The following SLAMF6 variants were observed in gnomAD, a reference collection of about 807,000 sequenced individuals.
SLAMF6 encodes NK-T-B-antigen.
A neutral mutation model predicts 38.3 loss-of-function variants in SLAMF6; 21 were observed. The ratio of observed to expected loss-of-function variants is 0.55; its 90% CI spans 0.39 to 0.79. The LOEUF (loss-of-function observed/expected upper bound fraction) is 0.79. SLAMF6 is among the 30% of genes least tolerant of loss of function. The probability of loss-of-function intolerance (pLI) is 0.00; values close to 1 mark genes in which losing one functional copy is unlikely to be tolerated. For synonymous variants in SLAMF6, 152 were observed against 146.3 expected, an observed-to-expected ratio of 1.04 and a Z score of -0.28; for missense variants, 341 against 385.3, an observed-to-expected ratio of 0.89 and a Z score of 0.96.
chr1:160,499,599 G>T (rs1183448299), intron 1 of SLAMF6, among the ~76,000 whole-genome samples: 2 of 152,166 alleles, frequency 1.3e-5, no homozygotes, highest in East Asian at 1.9e-4. Flanking sequence ...TGTGAAGAAT[G>T]ACATTGGTAG....
intron 1 of SLAMF6, among the ~76,000 whole-genome samples, chr1:160,520,600 A>G (rs1654942718): frequency 6.6e-6 from 1 of 152,216 alleles, no homozygotes; most frequent in Admixed American, 6.5e-5. Context: ...TATTTTCTCT[A>G]GGAAGTCATG....
In SLAMF6 at chr1:160,486,672, G is replaced by A. The variant is rs375276488; in HGVS notation, c.*35C>T. On this transcript the variant is annotated 3_prime_UTR_variant, in exon 8 of 8. Coordinates refer to ENST00000368057, the MANE Select transcript of SLAMF6 (RefSeq NM_001184714.2). The stretch of plus-strand genomic sequence containing the variant: ...TCTGTCTCATGGGATCAGAAGACGT[G>A]TCATTCCCGAATTCCTCTGAGGCCT... 1.3e-6 allele frequency: 2 copies of A among 1,592,930 alleles called. No individual in the cohort carries two copies. Among genetic ancestry groups the A allele is most frequent in the African/African-American group, 2.7e-5 (2 of 74,380 alleles).
chr1:160,517,589 G>A (rs1654804178), intron 1 of SLAMF6, among the ~76,000 whole-genome samples: 1 of 152,060 alleles, frequency 6.6e-6, no homozygotes, highest in Non-Finnish European at 1.5e-5. Context: ...AATAGCAAAG[G>A]CCTGGAATCA....
At chr1:160,489,513 G>A (rs952866357) in intron 5 of SLAMF6, among the ~76,000 whole-genome samples, 1 of 152,136 alleles carries the variant, frequency 6.6e-6, no homozygotes, top group African/African-American at 2.4e-5. Context: ...ACATAATGGA[G>A]CCAGTTATTT....
Position 160,512,648 on chromosome 1 carries a change from G to A in SLAMF6, c.49+10496C>T, listed in dbSNP as rs138032967. On this transcript the variant is annotated intron_variant, in intron 1 of 7. Coordinates refer to ENST00000368057, the MANE Select transcript of SLAMF6 (RefSeq NM_001184714.2). ...GCCCCTCTTGGACGGAGCTCCCAGA[G>A]GAAGAAGCAGGCAGCCATCTTTGCG... Among the ~76,000 whole-genome samples the A allele has an allele frequency of 4.5e-3, 688 of 152,280 alleles. 3 individuals are homozygous for A. Among genetic ancestry groups the A allele is most frequent in the African/African-American group, 0.016 (658 of 41,544 alleles).
rs1381536767 is a variant in SLAMF6 at position 160,490,239 on chromosome 1, G to A, written c.758-3C>T. The A allele has an allele frequency of 6.2e-7, 1 of 1,613,500 alleles. No individual in the cohort carries two copies. The highest frequency in any genetic ancestry group is 8.5e-7 in the Non-Finnish European group (1 of 1,179,788). ...CTGAGTAGACAAAGATAGGGAATCT[G>A]AAAAATAAAACCAGAAAATTGAAAT... On this transcript the variant is annotated splice_polypyrimidine_tract_variant and splice_region_variant and intron_variant, in intron 4 of 7. Transcript: ENST00000368057.
At chr1:160,520,112 T>C (rs890544152) in intron 1 of SLAMF6, among the ~76,000 whole-genome samples, 2 of 152,108 alleles carry the variant, frequency 1.3e-5, no homozygotes, top group Non-Finnish European at 2.9e-5. Flanking sequence ...GCTCTCTGCC[T>C]GTTGAGCACA....
At chr1:160,510,145 C>G (rs1571308968) in intron 1 of SLAMF6, among the ~76,000 whole-genome samples, 2 of 152,090 alleles carry the variant, frequency 1.3e-5, no homozygotes, top group African/African-American at 4.8e-5. Context: ...GATGGCTTCA[C>G]TGGTAAATTC....
At chr1:160,498,901 A>C (rs1020517585) in intron 1 of SLAMF6, among the ~76,000 whole-genome samples, 1 of 151,886 alleles carries the variant, frequency 6.6e-6, no homozygotes, top group Admixed American at 6.6e-5. Flanking sequence ...CCCATTTTTT[A>C]ATGGGGTTAT....
At chr1:160,522,366 A>C (rs1655022152) in intron 1 of SLAMF6, among the ~76,000 whole-genome samples, 1 of 152,098 alleles carries the variant, frequency 6.6e-6, no homozygotes, top group Non-Finnish European at 1.5e-5. Context: ...AATGCTTCCT[A>C]CTTTTATCTG....
intron 2 of SLAMF6, among the ~76,000 whole-genome samples, chr1:160,494,686 A>C (rs1274885932): frequency 6.6e-6 from 1 of 152,304 alleles, no homozygotes; most frequent in South Asian, 2.1e-4. Flanking sequence ...CAACCTGACT[A>C]TGGAGGTAGA....
chr1:160,486,863 G>T, intron 7 of SLAMF6, 109 bp from the exon 8 acceptor site: 1 of 1,253,696 alleles, frequency 8.0e-7, no homozygotes, highest in Non-Finnish European at 1.2e-6. Context: ...AGATAATAGA[G>T]ATATTGATAG....
chr1:160,515,002 G>A (rs1446487728), intron 1 of SLAMF6, among the ~76,000 whole-genome samples: 2 of 152,002 alleles, frequency 1.3e-5, no homozygotes, highest in African/African-American at 4.8e-5. Flanking sequence ...AAATAACCAA[G>A]ATCAAAGCAG....
At chr1:160,512,867 G>T (rs1459237107) in intron 1 of SLAMF6, among the ~76,000 whole-genome samples, 10 of 152,060 alleles carry the variant, frequency 6.6e-5, no homozygotes, top group Admixed American at 3.3e-4. Context: ...AAGATCAGCA[G>T]ACTCAAAGAT....
intron 5 of SLAMF6, 31 bp from the exon 6 acceptor site, chr1:160,489,201 A>T (rs767348721): frequency 6.2e-7 from 1 of 1,611,634 alleles, no homozygotes; most frequent in Non-Finnish European, 8.5e-7. Flanking sequence ...AGTCAATGGC[A>T]CAAGGACTCT....
chr1:160,508,813 G>GA (rs146032588), intron 1 of SLAMF6, among the ~76,000 whole-genome samples: 3 of 151,056 alleles, frequency 2.0e-5, no homozygotes, highest in South Asian at 2.1e-4. Context: ...AAATTTACAA[G>GA]AAAAAAAAAA....
intron 5 of SLAMF6, among the ~76,000 whole-genome samples, 180 bp from the exon 6 acceptor site, chr1:160,489,350 G>T (rs1380905691): frequency 6.6e-6 from 1 of 152,118 alleles, no homozygotes; most frequent in Non-Finnish European, 1.5e-5. Context: ...TCTCAGTCAT[G>T]TGGTCTATTT....
Position 160,491,376 on chromosome 1 carries a change from T to C in SLAMF6, c.395A>G (p.Asn132Ser), listed in dbSNP as rs1168339070. The C allele has an allele frequency of 6.2e-7, 1 of 1,613,244 alleles. No individual in the cohort carries two copies. Among genetic ancestry groups the C allele is most frequent in the Non-Finnish European group, 8.5e-7 (1 of 1,179,498 alleles). ...CTGACTGTGATTGGTAACTTGTATG[T>C]TCCTCAGTTGTCCTGTTTGCAGAAA... The part of the protein sequence containing the change: ...YTLRILRQLR[N>S]IQVTNHSQLF... Residue 132 changes from asparagine to serine, a missense_variant, in exon 3 of 8, where the codon AAC becomes AGC. Transcript: ENST00000368057.
intron 1 of SLAMF6, among the ~76,000 whole-genome samples, chr1:160,497,964 A>G (rs1653681203): frequency 2.0e-5 from 3 of 152,166 alleles, no homozygotes; most frequent in Admixed American, 1.3e-4. Flanking sequence ...TCTTTTTGGT[A>G]TAATGATCTA....
Sources: allele counts gnomAD v4.1 joint callset (sites outside exome capture counted in the v4.1 genomes callset), GRCh38; gene constraint gnomAD v4.1.1; transcripts MANE v1.5; gene names NCBI Gene and HGNC (gene_info 2026-07-23, HGNC 2026-07-21).